Variants in REV1 observed in about 807,000 individuals in gnomAD.
REV1 encodes the protein REV1 DNA directed polymerase.
REV1 carries 42 observed loss-of-function variants against 137.4 expected under a neutral mutation model. That is an observed-to-expected ratio of 0.31 (90% CI 0.24 to 0.40). The LOEUF (loss-of-function observed/expected upper bound fraction) is 0.40, where lower values mean the gene tolerates loss of function less well. Among genes scored for constraint, REV1 ranks in the 10% least tolerant of loss-of-function variants. REV1 has a pLI of 1.00. For missense variants in REV1, 1,282 were observed against 1,490.1 expected (o/e 0.86, Z 2.30); for synonymous variants, 524 against 519.2 (o/e 1.01, Z -0.12).
chr2:99,467,751 T>A (rs1013699399), intron 1 of REV1, among the ~76,000 whole-genome samples: 6 of 152,154 alleles, frequency 3.9e-5, no homozygotes, highest in African/African-American at 1.4e-4. Flanking sequence ...GAAAACAGAT[T>A]AAGGTGATCG....
intron 2 of REV1, among the ~76,000 whole-genome samples, chr2:99,463,238 G>A (rs1684429893): frequency 6.6e-6 from 1 of 152,022 alleles, no homozygotes; most frequent in Admixed American, 6.5e-5. Context: ...TAATAATACT[G>A]GCTGGGCACA....
intron 1 of REV1, among the ~76,000 whole-genome samples, chr2:99,481,923 C>A (rs1054077947): frequency 6.6e-6 from 1 of 152,204 alleles, no homozygotes; most frequent in African/African-American, 2.4e-5. Flanking sequence ...CTCTTGGAGT[C>A]TCCCAACTGA....
intron 1 of REV1, among the ~76,000 whole-genome samples, chr2:99,468,912 G>C (rs28369938): frequency 4.7e-4 from 71 of 152,222 alleles, no homozygotes; most frequent in African/African-American, 1.6e-3. Flanking sequence ...CTATAACACA[G>C]AGAACATCAT....
intron 3 of REV1, among the ~76,000 whole-genome samples, chr2:99,454,166 G>C (rs1011149353): frequency 6.6e-6 from 1 of 151,060 alleles, no homozygotes; most frequent in South Asian, 2.1e-4. Flanking sequence ...GAGGCAGGAG[G>C]ATCATTTGAG....
At chr2:99,422,570 T>C (rs1244547822) in intron 10 of REV1, among the ~76,000 whole-genome samples, 2 of 152,206 alleles carry the variant, frequency 1.3e-5, no homozygotes, top group Admixed American at 6.5e-5. Flanking sequence ...GCTTAAAGTA[T>C]GACATTTTTA....
At chr2:99,466,729 T>C (rs1684844747) in intron 1 of REV1, among the ~76,000 whole-genome samples, 1 of 152,170 alleles carries the variant, frequency 6.6e-6, no homozygotes, top group Non-Finnish European at 1.5e-5. Flanking sequence ...TTTAGGGGCA[T>C]GTGCAAGGTG....
chr2:99,467,882 T>A (rs1684988074), intron 1 of REV1, among the ~76,000 whole-genome samples: 1 of 151,068 alleles, frequency 6.6e-6, no homozygotes, highest in East Asian at 1.9e-4. Context: ...CCCATGTCTA[T>A]TAAAAATACA....
At chr2:99,427,261 G>T (rs189712270) in intron 9 of REV1, among the ~76,000 whole-genome samples, 2 of 152,314 alleles carry the variant, frequency 1.3e-5, no homozygotes, top group East Asian at 3.9e-4. Flanking sequence ...AAGAAAGGTA[G>T]TGGGTCCTTA....
chr2:99,463,388 G>A (rs946333053), intron 2 of REV1, among the ~76,000 whole-genome samples: 18 of 150,072 alleles, frequency 1.2e-4, no homozygotes, highest in Non-Finnish European at 2.2e-4. Flanking sequence ...GTGTGGTGGT[G>A]CATGCCTGTA....
intron 1 of REV1, among the ~76,000 whole-genome samples, chr2:99,484,003 A>G (rs1023657394): frequency 7.3e-5 from 11 of 151,676 alleles, no homozygotes; most frequent in Non-Finnish European, 1.2e-4. Context: ...CCTTGCAAGG[A>G]AATGTCAGAA....
chr2:99,488,010 G>GA lies in REV1; in HGVS notation c.-11+1806dup, dbSNP rs796148067. Among the ~76,000 whole-genome samples, 4 of 118,870 alleles carry GA rather than the reference G, an allele frequency of 3.4e-5. 1 individual carries two copies. The highest frequency in any genetic ancestry group is 1.2e-4 in the African/African-American group (4 of 33,338). 78.0% of individuals were successfully genotyped at this position (118,870 alleles called of 152,430 possible). On this transcript the variant is annotated intron_variant, in intron 1 of 22. Coordinates refer to ENST00000258428, the MANE Select transcript of REV1 (RefSeq NM_016316.4). ...AATGGTATCTTCATTCTACAAACGA[G>GA]AAAAAATCAGAGATACTAGTAACTT...
chr2:99,442,335 T>C lies in REV1; in HGVS notation c.485A>G (p.Lys162Arg), dbSNP rs1382482660. The change falls in exon 5 of 23, where the codon AAA (lysine) becomes AGA (arginine). Residue 162 changes from lysine to arginine, a missense_variant. By Grantham distance (26) the Lys-to-Arg change is conservative. This residue lies in a region of REV1 where 432 missense variants were observed against 438.0 expected (regional missense o/e 0.99). Transcript: ENST00000258428. Reference sequence around the variant, plus strand: ...AACTTACACCCTGTTGTTGAGCTGTTTGGCTATATTGCTTGGACCTGGCAG... The same window carrying C: ...AACTTACACCCTGTTGTTGAGCTGTCTGGCTATATTGCTTGGACCTGGCAG... ...DPLPGPSNIA[K>R]QLNNRVNHIV... 5.0e-6 allele frequency: 8 copies of C among 1,612,750 alleles called. No homozygotes were observed. The highest frequency in any genetic ancestry group is 6.8e-6 in the Non-Finnish European group (8 of 1,179,540).
chr2:99,441,360 A>G (rs776848318), intron 5 of REV1, among the ~76,000 whole-genome samples: 9 of 152,176 alleles, frequency 5.9e-5, no homozygotes, highest in Non-Finnish European at 1.3e-4. Flanking sequence ...GCAATTTAAT[A>G]AATAAAGAGA....
At chr2:99,453,987 G>C (rs928261732) in intron 3 of REV1, among the ~76,000 whole-genome samples, 6 of 150,156 alleles carry the variant, frequency 4.0e-5, no homozygotes, top group Non-Finnish European at 8.9e-5. Context: ...TCACTGTTTT[G>C]AAATGTCAGA....
intron 1 of REV1, among the ~76,000 whole-genome samples, chr2:99,467,176 C>A (rs1684901940): frequency 6.6e-6 from 1 of 152,126 alleles, no homozygotes; most frequent in South Asian, 2.1e-4. Context: ...TGTATACCTA[C>A]TGCACAAGGC....
In REV1 at chr2:99,408,086, T is replaced by C. The variant is rs558919507; in HGVS notation, c.2391A>G (p.Gly797=). 6.2e-7 allele frequency: 1 copy of C among 1,610,924 alleles called. No individual in the cohort carries two copies. Among genetic ancestry groups the C allele is most frequent in the Non-Finnish European group, 8.5e-7 (1 of 1,178,674 alleles). The change falls in exon 15 of 23, where the codon GGA becomes GGG. Residue 797 remains glycine (G), a synonymous_variant. Coordinates refer to ENST00000258428, the MANE Select transcript of REV1 (RefSeq NM_016316.4). ...TATGAAACATGTTTAGCATCGCCTTTCCAATTATTTTTGCATTATCTGTTG... is the reference window on the plus strand; with the variant it reads ...TATGAAACATGTTTAGCATCGCCTTCCCAATTATTTTTGCATTATCTGTTG... The part of the protein sequence containing the change: ...DQATDNAKII[G]KAMLNMFHTM...
chr2:99,431,244 C>T (rs1025384545), intron 8 of REV1, among the ~76,000 whole-genome samples: 1 of 152,152 alleles, frequency 6.6e-6, no homozygotes, highest in Non-Finnish European at 1.5e-5. Flanking sequence ...ACTAACATCT[C>T]GGGTCAAATC....
At chr2:99,490,091 CCGCTCGCGCTCACAGCCGCGCGG>C (rs1455264910), upstream of REV1, 7 of 149,554 alleles carry the variant, frequency 4.7e-5, no homozygotes, top group East Asian at 2.0e-4. Context: ...CTCCCCGGCC[CCGCTCGCGCTCACAGCCGCGCGG>C]CGCACGCGCT....
At chr2:99,410,578 G>C (rs1676994083) in intron 14 of REV1, 117 bp downstream of exon 14, 3 of 890,176 alleles carry the variant, frequency 3.4e-6, no homozygotes, top group South Asian at 3.6e-5. Flanking sequence ...CAGAATACCA[G>C]ATTAACGGGT....
Sources: gnomAD v4.1 joint callset for allele counts (sites outside exome capture counted in the v4.1 genomes callset) on GRCh38, gnomAD v4.1.1 for gene constraint, gnomAD v4.1.1 regional missense constraint, MANE v1.5 for transcripts, NCBI Gene and HGNC (gene_info 2026-07-23, HGNC 2026-07-21) for gene names.